The following APLP2 variants were observed in gnomAD, a reference collection of about 807,000 sequenced individuals.
The protein encoded by APLP2 is amyloid beta precursor like protein 2.
APLP2 carries 53 observed loss-of-function variants against 89.9 expected under a neutral mutation model. The observed-to-expected ratio is 0.59, with a 90% CI of 0.47 to 0.74. The LOEUF (loss-of-function observed/expected upper bound fraction) is 0.74, where lower values mean the gene tolerates loss of function less well. APLP2 is among the 30% of genes least tolerant of loss of function. The pLI is 0.00. For synonymous variants in APLP2, 372 were observed against 348.6 expected (o/e 1.07, Z -0.75); for missense variants, 973 against 975.9 (o/e 1.00, Z 0.04).
intron 1 of APLP2, among the ~76,000 whole-genome samples, chr11:130,092,695 ACCGT>A (rs1565562123): frequency 1.5e-5 from 1 of 68,342 alleles, no homozygotes; most frequent in East Asian, 8.5e-4. Context: ...TGAGAGGGAG[ACCGT>A]GGGGGGAGGG....
Position 130,121,701 on chromosome 11 carries a change from T to C in APLP2, c.604T>C (p.Cys202Arg). ...VDQFHGTEYV[C>R]CPQTKIIGSV... ...CCAGTTCCATGGCACTGAATATGTG[T>C]GCTGCCCTCAGACAAAGATTATTGG... The change falls in exon 5 of 17, where the codon TGC becomes CGC. Residue 202 changes from cysteine to arginine, a missense_variant. Coordinates refer to ENST00000338167, the MANE Select transcript of APLP2 (RefSeq NM_001142276.2). 1.9e-6 allele frequency: 3 copies of C among 1,614,114 alleles called. No homozygotes were observed. Among genetic ancestry groups the C allele is most frequent in the Non-Finnish European group, 2.5e-6 (3 of 1,180,036 alleles).
At chr11:130,079,784 T>C (rs1292899790) in intron 1 of APLP2, among the ~76,000 whole-genome samples, 1 of 152,130 alleles carries the variant, frequency 6.6e-6, no homozygotes, top group Non-Finnish European at 1.5e-5. Context: ...GAAAAGACAA[T>C]AGCTAGTGTC....
chr11:130,070,938 A>C (rs1013507980), intron 1 of APLP2, among the ~76,000 whole-genome samples: 2 of 42,720 alleles, frequency 4.7e-5, no homozygotes, highest in Admixed American at 1.8e-4. Context: ...AGGCCGCGGG[A>C]GGGGGCGGGG....
chr11:130,136,877 C>T (rs1951681157), intron 13 of APLP2, among the ~76,000 whole-genome samples: 1 of 152,150 alleles, frequency 6.6e-6, no homozygotes, highest in Admixed American at 6.5e-5. Flanking sequence ...GTCGGGGCAG[C>T]TTGGATATAC....
chr11:130,080,746 G>A (rs1235065774), intron 1 of APLP2, among the ~76,000 whole-genome samples: 1 of 148,316 alleles, frequency 6.7e-6, no homozygotes, highest in African/African-American at 2.5e-5. Context: ...GCCCAGGCTG[G>A]AGTGCAGTGG....
intron 1 of APLP2, among the ~76,000 whole-genome samples, chr11:130,099,392 G>A (rs1229257254): frequency 6.6e-6 from 1 of 152,166 alleles, no homozygotes; most frequent in Non-Finnish European, 1.5e-5. Flanking sequence ...GAAAACTAAG[G>A]TCAAGAGAGA....
chr11:130,127,067 T>TC (rs2136003492), intron 8 of APLP2, among the ~76,000 whole-genome samples: 1 of 132,748 alleles, frequency 7.5e-6, no homozygotes, highest in East Asian at 1.9e-4. Context: ...ATCTGCCCTT[T>TC]TTTTTTTTTT....
At chr11:130,121,933 GT>G (rs1949873891) in intron 5 of APLP2, 123 bp downstream of exon 5, 2 of 1,430,326 alleles carry the variant, frequency 1.4e-6, no homozygotes, top group Admixed American at 4.3e-5. Flanking sequence ...TTCTGCTAGA[GT>G]TGATTAAGCT....
In APLP2 at chr11:130,081,105, C is replaced by G. The variant is rs955334566; in HGVS notation, c.105+11023C>G. ...AGTTTTGACCAAAACAAAAAACAAA[C>G]CCCCCCAAAAACAAAAGAGTAGATT... On this transcript the variant is annotated intron_variant, in intron 1 of 16. Transcript: ENST00000338167. Among the ~76,000 whole-genome samples the G allele has an allele frequency of 4.0e-5, 6 of 151,816 alleles. No individual in the cohort carries two copies. The East Asian group carries it at 1.2e-3, about 29-fold the overall frequency.
chr11:130,141,757 G>A lies in APLP2; in HGVS notation c.1999-162G>A. ...ATCTCCATGGAGATTGGGAAGAGTG[G>A]GCGTTCTCCACCTGTGGGTGGTTCC... On this transcript the variant is annotated intron_variant, in intron 15 of 16. Transcript: ENST00000338167. This position sits in a 1 kb window ranked among gnomAD's most constrained non-coding sequence, Gnocchi z 4.2. 1.1e-6 allele frequency: 1 copy of A among 944,758 alleles called. No individual in the cohort carries two copies. Among genetic ancestry groups the A allele is most frequent in the Non-Finnish European group, 1.6e-6 (1 of 637,486 alleles). The allele number at this position is 944,758 out of a possible 1,614,324, so 58.5% of individuals were successfully genotyped here.
chr11:130,084,216 A>G (rs1173498215), intron 1 of APLP2, among the ~76,000 whole-genome samples: 2 of 151,970 alleles, frequency 1.3e-5, no homozygotes, highest in African/African-American at 4.8e-5. Context: ...ACTGCACTCC[A>G]GCCTGGGCGA....
chr11:130,087,037 G>T (rs577509972), intron 1 of APLP2, among the ~76,000 whole-genome samples: 2 of 152,292 alleles, frequency 1.3e-5, no homozygotes, highest in African/African-American at 4.8e-5. Flanking sequence ...TCTGTAGATT[G>T]TTTTAGGTAG....
At chr11:130,124,113 T>C (rs937597576) in intron 7 of APLP2, among the ~76,000 whole-genome samples, 6 of 152,116 alleles carry the variant, frequency 3.9e-5, no homozygotes, top group African/African-American at 1.2e-4. Context: ...CACTGTAGTA[T>C]TGGTGGGGAA....
chr11:130,090,582 A>G (rs1373626350), intron 1 of APLP2, among the ~76,000 whole-genome samples: 37 of 152,048 alleles, frequency 2.4e-4, no homozygotes, highest in African/African-American at 8.7e-4. Context: ...GGTTGGGGGT[A>G]AGGTCACAGA....
At chr11:130,108,342 A>T (rs1021214695) in intron 1 of APLP2, among the ~76,000 whole-genome samples, 4 of 152,196 alleles carry the variant, frequency 2.6e-5, no homozygotes, top group Non-Finnish European at 5.9e-5. Flanking sequence ...GAATCTACAA[A>T]TAACTTAAAC....
intron 13 of APLP2, among the ~76,000 whole-genome samples, chr11:130,136,807 A>G (rs1951672023): frequency 6.6e-6 from 1 of 152,132 alleles, no homozygotes; most frequent in Non-Finnish European, 1.5e-5. Context: ...TGCTATCCCC[A>G]AATCTCTGTG....
At chr11:130,115,249 CTG>C (rs1456623004) in intron 3 of APLP2, among the ~76,000 whole-genome samples, 12 of 151,992 alleles carry the variant, frequency 7.9e-5, no homozygotes, top group Admixed American at 2.0e-4. Context: ...TAGTAGGTGT[CTG>C]TATTTATGGA....
chr11:130,095,788 G>A (rs1342695732), intron 1 of APLP2, among the ~76,000 whole-genome samples: 2 of 152,206 alleles, frequency 1.3e-5, no homozygotes, highest in Non-Finnish European at 2.9e-5. Context: ...TGTTGATTTA[G>A]AAATACCTGC....
intron 13 of APLP2, 35 bp downstream of exon 13, chr11:130,135,750 A>T: frequency 6.2e-7 from 1 of 1,608,412 alleles, no homozygotes; most frequent in East Asian, 2.2e-5. Flanking sequence ...TCTGGGCAGC[A>T]GGGGGAGGAC....
Sources: gnomAD v4.1 joint callset for allele counts (sites outside exome capture counted in the v4.1 genomes callset) on GRCh38, gnomAD v4.1.1 for gene constraint, Gnocchi (gnomAD v3.1) non-coding constraint, MANE v1.5 for transcripts, NCBI Gene and HGNC (gene_info 2026-07-23, HGNC 2026-07-21) for gene names.